The following CCDC73 variants were observed in gnomAD, a reference collection of about 807,000 sequenced individuals.
CCDC73 encodes the protein coiled-coil domain-containing protein 73.
Under a neutral mutation model 116.5 loss-of-function variants are expected in CCDC73, and 95 were observed. That is an observed-to-expected ratio of 0.82 (90% CI 0.69 to 0.97). The LOEUF is 0.97. Among genes scored for constraint, CCDC73 ranks in the 50% least tolerant of loss-of-function variants. CCDC73 has a pLI of 0.00. For missense variants in CCDC73, 1,066 were observed against 1,206.8 expected (o/e 0.88, Z 1.73); for synonymous variants, 398 against 401.3 (o/e 0.99, Z 0.10).
the CCDC73 span, among the ~76,000 whole-genome samples, chr11:32,819,352 A>G: frequency 6.6e-6 from 1 of 152,286 alleles, no homozygotes; most frequent in Admixed American, 6.5e-5. Context: ...AGTTTCCACA[A>G]TCTTGGGATT....
At chr11:32,745,749 T>G (rs76764782) in intron 2 of CCDC73, among the ~76,000 whole-genome samples, 16 of 138,702 alleles carry the variant, frequency 1.2e-4, no homozygotes, top group South Asian at 2.3e-4. Context: ...GTTTTGGTTT[T>G]TTTTTTTTTT....
At chr11:32,719,356 G>A (rs1346425094) in intron 2 of CCDC73, among the ~76,000 whole-genome samples, 1 of 152,074 alleles carries the variant, frequency 6.6e-6, no homozygotes, top group Non-Finnish European at 1.5e-5. Flanking sequence ...TGTTTCCTTT[G>A]ATATTTAAAG....
the CCDC73 span, among the ~76,000 whole-genome samples, chr11:32,829,582 A>T: frequency 1.2e-4 from 18 of 152,194 alleles, no homozygotes; most frequent in Non-Finnish European, 2.4e-4. Context: ...ACCTAAGGTA[A>T]CCACAGGACT....
chr11:32,810,992 A>G, the CCDC73 span, among the ~76,000 whole-genome samples: 2 of 151,672 alleles, frequency 1.3e-5, no homozygotes, highest in African/African-American at 4.8e-5. Context: ...TTAGCCGGGC[A>G]TGGTGGCACA....
intron 2 of CCDC73, among the ~76,000 whole-genome samples, chr11:32,723,351 G>A (rs909816704): frequency 6.6e-6 from 1 of 152,132 alleles, no homozygotes; most frequent in African/African-American, 2.4e-5. Context: ...AGAGATTTGT[G>A]TAAATATAAA....
At chr11:32,687,042 C>T (rs188907807) in intron 6 of CCDC73, among the ~76,000 whole-genome samples, 86 of 152,222 alleles carry the variant, frequency 5.6e-4, no homozygotes, top group African/African-American at 2.0e-3. Context: ...AAAAGCACAC[C>T]GCTTTAGAGA....
intron 14 of CCDC73, among the ~76,000 whole-genome samples, chr11:32,619,242 G>A (rs374294039): frequency 1.2e-4 from 18 of 151,260 alleles, no homozygotes; most frequent in African/African-American, 4.4e-4. Flanking sequence ...TCTTTCCCAA[G>A]GCCAATATCC....
chr11:32,709,933 G>C (rs185360101), intron 3 of CCDC73, among the ~76,000 whole-genome samples: 2 of 152,198 alleles, frequency 1.3e-5, no homozygotes, highest in Admixed American at 1.3e-4. Flanking sequence ...TAATCTAGCA[G>C]GTTTGTATAT....
chr11:32,777,433 AC>A (rs1409454109), intron 1 of CCDC73, among the ~76,000 whole-genome samples: 2 of 151,992 alleles, frequency 1.3e-5, no homozygotes, highest in African/African-American at 4.8e-5. Context: ...AGAAATAAAA[AC>A]CAGTTTTTCT....
the CCDC73 span, among the ~76,000 whole-genome samples, chr11:32,808,499 C>T: frequency 1.3e-5 from 2 of 152,042 alleles, no homozygotes; most frequent in Admixed American, 6.6e-5. Flanking sequence ...ATTAGCCAGG[C>T]GTGGTGGCAT....
At chr11:32,711,761 A>AAAAAACAAAAAC (rs1211458438) in intron 3 of CCDC73, among the ~76,000 whole-genome samples, 2 of 152,182 alleles carry the variant, frequency 1.3e-5, no homozygotes, top group Non-Finnish European at 2.9e-5. Flanking sequence ...AACCTATTGA[A>AAAAAACAAAAAC]AAAAACAAAA....
intron 2 of CCDC73, chr11:32,758,125 GA>G (rs1182354656): frequency 5.2e-6 from 1 of 191,038 alleles, no homozygotes. Flanking sequence ...TTTTTCTAAT[GA>G]AAGTAAGGGA....
At chr11:32,692,049 C>CAAA (rs1173539877) in intron 6 of CCDC73, among the ~76,000 whole-genome samples, 107 of 60,218 alleles carry the variant, frequency 1.8e-3, no homozygotes, top group African/African-American at 3.0e-3. Context: ...CTCCGTCTCA[C>CAAA]AAAAAAAAAA....
the CCDC73 span, chr11:32,829,735 G>T: frequency 2.0e-6 from 2 of 982,650 alleles, no homozygotes; most frequent in African/African-American, 1.7e-5. Context: ...CACCCGCGCC[G>T]CCAAGGCGGG....
chr11:32,780,840 T>G (rs1477955447), intron 1 of CCDC73, among the ~76,000 whole-genome samples: 1 of 152,206 alleles, frequency 6.6e-6, no homozygotes, highest in Non-Finnish European at 1.5e-5. Flanking sequence ...TGCCCAAGGA[T>G]ATACAGGAAG....
the CCDC73 span, chr11:32,830,359 G>A: frequency 8.6e-6 from 7 of 818,530 alleles, no homozygotes; most frequent in Non-Finnish European, 8.5e-6. Flanking sequence ...CTTCCTGGGC[G>A]CGCGTCGGGT....
chr11:32,745,742 TTG>T lies in CCDC73; in HGVS notation c.135+14365_135+14366del, dbSNP rs1491410620. ...TTGTTTTTTTGTTTGTTTGTTTGTT[TTG>T]GTTTTTTTTTTTTTTTTGCTTTCCA... On this transcript the variant is annotated intron_variant, in intron 2 of 17. Coordinates refer to ENST00000335185, the MANE Select transcript of CCDC73 (RefSeq NM_001008391.4). Among the ~76,000 whole-genome samples, 717 of 82,668 alleles carry T rather than the reference TTG, an allele frequency of 8.7e-3. 8 individuals are homozygous for T. Among genetic ancestry groups the T allele is most frequent in the Admixed American group, 0.05 (322 of 6,448 alleles). The allele number at this position is 82,668 out of a possible 152,430, so 54.2% of individuals were successfully genotyped here.
At chr11:32,691,763 A>C (rs1342968232) in intron 6 of CCDC73, among the ~76,000 whole-genome samples, 1 of 152,000 alleles carries the variant, frequency 6.6e-6, no homozygotes, top group African/African-American at 2.4e-5. Flanking sequence ...GTATCAAAAA[A>C]GTCAGCCGGG....
intron 16 of CCDC73, among the ~76,000 whole-genome samples, chr11:32,612,303 T>C (rs1457722698): frequency 1.3e-5 from 2 of 152,152 alleles, no homozygotes; most frequent in Non-Finnish European, 2.9e-5. Context: ...ATGAGATTGC[T>C]ATTAAAAGAA....
Sources: gnomAD v4.1 joint callset for allele counts (sites outside exome capture counted in the v4.1 genomes callset) on GRCh38, gnomAD v4.1.1 for gene constraint, MANE v1.5 for transcripts, NCBI Gene and HGNC (gene_info 2026-07-23, HGNC 2026-07-21) for gene names.